Variants in LRRIQ1 observed in about 807,000 individuals in gnomAD.
LRRIQ1 encodes the protein leucine rich repeats and IQ motif containing 1.
In LRRIQ1, 210 loss-of-function variants were observed where a neutral mutation model predicts 211.9. The ratio of observed to expected loss-of-function variants is 0.99; its 90% CI spans 0.89 to 1.11. LRRIQ1 has a LOEUF of 1.11. Ranked by LOEUF, LRRIQ1 falls within the 50% of genes most tolerant of loss-of-function variation. LRRIQ1 has a pLI of 0.00. For missense variants in LRRIQ1, 2,136 were observed against 1,939.5 expected (o/e 1.10, Z -1.90); for synonymous variants, 699 against 650.1 (o/e 1.08, Z -1.14).
intron 1 of LRRIQ1, among the ~76,000 whole-genome samples, chr12:85,262,013 C>T (rs1469786631): frequency 1.6e-4 from 25 of 152,076 alleles, no homozygotes; most frequent in Admixed American, 1.6e-3. Flanking sequence ...TGGTCTCGAA[C>T]TCCTGACCTC....
At chr12:85,236,216 T>G in intron 26 of LRRIQ1, among the ~76,000 whole-genome samples, 1 of 152,050 alleles carries the variant, frequency 6.6e-6, no homozygotes, top group East Asian at 1.9e-4. Context: ...AAATACATTT[T>G]TAAAAAGGTA....
At chr12:85,214,496 A>G (rs1893984146) in intron 24 of LRRIQ1, among the ~76,000 whole-genome samples, 1 of 152,150 alleles carries the variant, frequency 6.6e-6, no homozygotes, top group South Asian at 2.1e-4. Flanking sequence ...GTGATATGGT[A>G]TGATATGGTG....
intron 8 of LRRIQ1, 94 bp from the exon 9 acceptor site, chr12:85,065,168 A>G: frequency 9.3e-7 from 1 of 1,074,598 alleles, no homozygotes; most frequent in Non-Finnish European, 1.3e-6. Flanking sequence ...ACTTTTCTTA[A>G]ATGAATTTTC....
intron 11 of LRRIQ1, among the ~76,000 whole-genome samples, chr12:85,086,368 C>G (rs1343851042): frequency 6.6e-6 from 1 of 152,022 alleles, no homozygotes; most frequent in Non-Finnish European, 1.5e-5. Flanking sequence ...CTTCTGGATA[C>G]TGAGTTGTCG....
intron 8 of LRRIQ1, among the ~76,000 whole-genome samples, chr12:85,061,781 T>A (rs1029761007): frequency 6.6e-6 from 1 of 151,786 alleles, no homozygotes; most frequent in Non-Finnish European, 1.5e-5. Context: ...ATAGAAGTTA[T>A]CTCCCTACAA....
rs1052652871 is a variant in LRRIQ1, at chr12:85,155,481, A to G, written c.4720+1387A>G. 1.5e-4 allele frequency among the ~76,000 whole-genome samples: 23 copies of G among 151,528 alleles called. No homozygotes were observed. The Admixed American group carries it at 1.5e-3, about 10-fold the overall frequency. The stretch of plus-strand genomic sequence containing the variant: ...AGTAGTGTAAATCTGGTAGTGTAAT[A>G]AACTCTATTATTGCTTTGATGTCTA... On this transcript the variant is annotated intron_variant, in intron 23 of 26. Transcript: ENST00000393217.
chr12:85,204,501 T>C (rs1290958432), intron 24 of LRRIQ1, among the ~76,000 whole-genome samples: 1 of 152,134 alleles, frequency 6.6e-6, no homozygotes, highest in Non-Finnish European at 1.5e-5. Context: ...AAAGCAGCCA[T>C]GTGGGAGGCT....
chr12:85,239,594 G>A (rs1343126891), intron 26 of LRRIQ1, among the ~76,000 whole-genome samples: 1 of 151,834 alleles, frequency 6.6e-6, no homozygotes, highest in Non-Finnish European at 1.5e-5. Context: ...ATAACTATAT[G>A]GAAAAAGAAT....
chr12:85,081,764 C>T (rs1307907346), intron 11 of LRRIQ1, among the ~76,000 whole-genome samples: 3 of 126,086 alleles, frequency 2.4e-5, no homozygotes, highest in African/African-American at 9.6e-5. Flanking sequence ...CACTCTGTTG[C>T]CTTGGCTGGA....
At position 85,056,807 on chromosome 12, in the gene LRRIQ1, A is replaced by C; in HGVS notation, c.2014A>C (p.Asn672His). ...CATGATAAATATAGAAGGCAAAAGA[A>C]ATGACCAAGATTATGTGTTAGGTAG... ...DTMINIEGKR[N>H]DQDYVLGRHA... The change falls in exon 8 of 27, where the codon AAT becomes CAT. Residue 672 changes from asparagine to histidine, a missense_variant. Coordinates refer to ENST00000393217, the MANE Select transcript of LRRIQ1 (RefSeq NM_001079910.2). 1 of 1,610,686 alleles carries C rather than the reference A, an allele frequency of 6.2e-7. No individual in the cohort carries two copies. Among genetic ancestry groups the C allele is most frequent in the South Asian group, 1.1e-5 (1 of 90,304 alleles).
intron 24 of LRRIQ1, among the ~76,000 whole-genome samples, chr12:85,214,513 G>A (rs1044168097): frequency 2.6e-5 from 4 of 152,244 alleles, no homozygotes; most frequent in South Asian, 2.1e-4. Context: ...GGTGGTAATT[G>A]TGTGGTGGAT....
In LRRIQ1 at chr12:85,036,416, G is replaced by A. The variant is rs926915188; in HGVS notation, c.-25+9G>A. The A allele has an allele frequency of 6.6e-6, 1 of 152,252 alleles. No individual in the cohort carries two copies. Among genetic ancestry groups the A allele is most frequent in the Admixed American group, 6.6e-5 (1 of 15,266 alleles). The allele number at this position is 152,252 out of a possible 1,614,324, so 9.4% of individuals were successfully genotyped here. ...AATCTCGCTGCTGAGGGGTGAGCCG[G>A]GGTCTTAAGACTGGGATTCCCGTTG... On this transcript the variant is annotated intron_variant, in intron 1 of 26. Transcript: ENST00000393217.
intron 24 of LRRIQ1, among the ~76,000 whole-genome samples, chr12:85,165,204 A>G (rs533758290): frequency 3.0e-4 from 45 of 152,206 alleles, no homozygotes; most frequent in South Asian, 8.3e-4. Context: ...TGTGTATGAT[A>G]CTGAGGTTTG....
At chr12:85,065,751 C>T (rs1450816442) in intron 9 of LRRIQ1, among the ~76,000 whole-genome samples, 1 of 151,840 alleles carries the variant, frequency 6.6e-6, no homozygotes, top group Non-Finnish European at 1.5e-5. Flanking sequence ...CTAAACTTGG[C>T]TGGGCATTTT....
intron 15 of LRRIQ1, among the ~76,000 whole-genome samples, chr12:85,120,777 A>AAAGTGTACAG: frequency 1.3e-5 from 2 of 152,252 alleles, no homozygotes; most frequent in South Asian, 4.1e-4. Context: ...ACTTTATTGA[A>AAAGTGTACAG]GGAGTTCACT....
chr12:85,199,968 A>G (rs1893210677), intron 24 of LRRIQ1, among the ~76,000 whole-genome samples: 1 of 152,178 alleles, frequency 6.6e-6, no homozygotes, highest in African/African-American at 2.4e-5. Flanking sequence ...TTTTGGTATC[A>G]TATGAATTTT....
intron 4 of LRRIQ1, 75 bp from the exon 5 acceptor site, chr12:85,045,945 A>AT: frequency 2.9e-6 from 2 of 695,304 alleles, no homozygotes; most frequent in Non-Finnish European, 4.7e-6. Flanking sequence ...ATAAATATTT[A>AT]ATGTATTATT....
At chr12:85,160,832 T>A (rs1348243399) in intron 24 of LRRIQ1, 118 bp downstream of exon 24, 1 of 402,528 alleles carries the variant, frequency 2.5e-6, no homozygotes, top group Admixed American at 4.5e-5. Context: ...GAATTATGTA[T>A]AACATATACT....
intron 24 of LRRIQ1, among the ~76,000 whole-genome samples, chr12:85,200,804 C>A (rs1401222052): frequency 6.6e-6 from 1 of 151,902 alleles, no homozygotes; most frequent in Non-Finnish European, 1.5e-5. Context: ...ACTTGTTGAT[C>A]ATGATGGCTT....
Sources: gnomAD v4.1 joint callset for allele counts (sites outside exome capture counted in the v4.1 genomes callset) on GRCh38, gnomAD v4.1.1 for gene constraint, MANE v1.5 for transcripts, NCBI Gene and HGNC (gene_info 2026-07-23, HGNC 2026-07-21) for gene names.